The following SCAF4 variants were observed in gnomAD, a reference collection of about 807,000 sequenced individuals.
SCAF4 encodes the protein SR-related CTD associated factor 4.
Under a neutral mutation model 129.8 loss-of-function variants are expected in SCAF4, and 25 were observed. The ratio of observed to expected loss-of-function variants is 0.19; its 90% confidence interval spans 0.14 to 0.27. The LOEUF is 0.27. SCAF4 is among the 10% of genes least tolerant of loss of function. The pLI, the probability that SCAF4 is intolerant of heterozygous loss-of-function variation, is 1.00. For missense variants in SCAF4, 1,246 were observed against 1,457.1 expected (o/e 0.86, Z 2.36); for synonymous variants, 551 against 497.7 (o/e 1.11, Z -1.43).
chr21:31,731,608 C>T (rs2051361206), intron 1 of SCAF4, 55 bp downstream of exon 1: 1 of 1,570,126 alleles, frequency 6.4e-7, no homozygotes, highest in Non-Finnish European at 8.6e-7. Context: ...GCGGGAGAAA[C>T]GAGCCCCGGC....
intron 1 of SCAF4, among the ~76,000 whole-genome samples, chr21:31,725,189 A>G (rs1050494092): frequency 3.3e-5 from 5 of 152,340 alleles, no homozygotes; most frequent in Admixed American, 6.5e-5. Flanking sequence ...TACAGTAAAG[A>G]ACTTTGAACC....
At chr21:31,686,215 A>T in intron 16 of SCAF4, among the ~76,000 whole-genome samples, 1 of 133,574 alleles carries the variant, frequency 7.5e-6, no homozygotes, top group African/African-American at 3.4e-5. Context: ...AAAAAAAAAA[A>T]AGAAAAAAAA....
chr21:31,699,814 A>G (rs2050478475), intron 7 of SCAF4, among the ~76,000 whole-genome samples: 3 of 152,228 alleles, frequency 2.0e-5, no homozygotes, highest in Admixed American at 2.0e-4. Flanking sequence ...AATAAAACAG[A>G]CAAGAGTGGA....
chr21:31,686,419 C>T (rs1297135714), intron 16 of SCAF4, among the ~76,000 whole-genome samples: 2 of 152,042 alleles, frequency 1.3e-5, no homozygotes, highest in Non-Finnish European at 2.9e-5. Flanking sequence ...ATCACAGGTC[C>T]TGGAGCCAAA....
chr21:31,725,204 G>T (rs1320939310), intron 1 of SCAF4, among the ~76,000 whole-genome samples: 2 of 152,044 alleles, frequency 1.3e-5, no homozygotes, highest in Non-Finnish European at 1.5e-5. Context: ...TGAACCCTCT[G>T]TCTACATGTC....
chr21:31,688,412 A>G lies in SCAF4; in HGVS notation c.1938T>C (p.Gly646=), dbSNP rs747166156. The change falls in exon 16 of 20, where the codon GGT becomes GGC. Residue 646 remains glycine, a synonymous_variant. Transcript: ENST00000286835. The part of the protein sequence containing the change: ...KPENEVAQNG[G]AETSHTEPVS... ...CTGGTTCTGTGTGTGAGGTTTCAGC[A>G]CCTCCATTTTGAGCAACTTCATTTT... 6.2e-7 allele frequency: 1 copy of G among 1,613,950 alleles called. No homozygotes were observed. The highest frequency in any genetic ancestry group is 8.5e-7 in the Non-Finnish European group (1 of 1,179,962).
chr21:31,707,291 T>C (rs866371167), intron 1 of SCAF4, among the ~76,000 whole-genome samples: 2 of 152,252 alleles, frequency 1.3e-5, no homozygotes, highest in Admixed American at 6.5e-5. Flanking sequence ...AGGTGGAGGT[T>C]GCAGTGAGCC....
chr21:31,692,953 A>T (rs1447884779), intron 12 of SCAF4, among the ~76,000 whole-genome samples: 1 of 152,206 alleles, frequency 6.6e-6, no homozygotes, highest in African/African-American at 2.4e-5. Flanking sequence ...TTAAAATCTT[A>T]GTCATCTTAA....
intron 19 of SCAF4, among the ~76,000 whole-genome samples, chr21:31,677,971 C>G (rs2049900976): frequency 6.6e-6 from 1 of 151,660 alleles, no homozygotes; most frequent in South Asian, 2.1e-4. Flanking sequence ...GGAACTATGT[C>G]TACCTTAGTC....
At position 31,690,876 on chromosome 21, in the gene SCAF4, A is replaced by C; in HGVS notation, c.1806T>G (p.Ile602Met). Residue 602 changes from isoleucine (I) to methionine (M), a missense_variant, in exon 15 of 20, where the codon ATT becomes ATG. Ile to Met is a conservative substitution (Grantham distance 10). Coordinates refer to ENST00000286835, the MANE Select transcript of SCAF4 (RefSeq NM_020706.2). ...YWDVELGVTY[I>M]PWDKVKPEEL... ...CCTCAGGCTTGACTTTGTCCCATGG[A>C]ATATAAGTAACACCAAGTTCTACAT... 5.6e-6 allele frequency: 9 copies of C among 1,613,860 alleles called. No individual in the cohort carries two copies. The highest frequency in any genetic ancestry group is 7.6e-6 in the Non-Finnish European group (9 of 1,179,766).
intron 1 of SCAF4, among the ~76,000 whole-genome samples, chr21:31,723,152 CAG>C (rs2051112312): frequency 6.6e-6 from 1 of 152,150 alleles, no homozygotes; most frequent in East Asian, 1.9e-4. Context: ...TAGGTGAAAA[CAG>C]ATGAATAAAT....
chr21:31,696,865 A>T, intron 7 of SCAF4, 115 bp from the exon 8 acceptor site: 1 of 894,382 alleles, frequency 1.1e-6, no homozygotes, highest in Non-Finnish European at 1.7e-6. Context: ...TGTCAAGCAC[A>T]ATCTTATTTT....
At chr21:31,683,023 T>G (rs2050031607) in intron 19 of SCAF4, among the ~76,000 whole-genome samples, 1 of 152,250 alleles carries the variant, frequency 6.6e-6, no homozygotes, top group African/African-American at 2.4e-5. Context: ...ATATTGCATT[T>G]TAGTTCAAAG....
At chr21:31,717,065 A>G (rs993211317) in intron 1 of SCAF4, among the ~76,000 whole-genome samples, 2 of 152,222 alleles carry the variant, frequency 1.3e-5, no homozygotes, top group African/African-American at 4.8e-5. Context: ...ATACAAGGAG[A>G]TAAAATTCTT....
intron 19 of SCAF4, among the ~76,000 whole-genome samples, chr21:31,673,206 C>A (rs891253280): frequency 2.0e-5 from 3 of 152,120 alleles, no homozygotes; most frequent in African/African-American, 7.2e-5. Flanking sequence ...GTTCAACAAC[C>A]TGTCATTTTC....
At chr21:31,688,278 A>C (rs757291335) in intron 16 of SCAF4, 29 bp downstream of exon 16, 3 of 1,598,298 alleles carry the variant, frequency 1.9e-6, no homozygotes, top group South Asian at 2.3e-5. Context: ...CAGGCACTTA[A>C]AGTTTAAGTC....
rs753876884 is a variant in SCAF4 at position 31,677,549 on chromosome 21, TCA to T, written c.2489-5197_2489-5196del. On this transcript the variant is annotated intron_variant, in intron 19 of 19. Transcript: ENST00000286835. ...CATCAATCCAATGAAAGCACTTTTCTCACAGTCACCAGGAGCCTTCATTTTGC... is the reference window on the plus strand; with the variant it reads ...CATCAATCCAATGAAAGCACTTTTCTCAGTCACCAGGAGCCTTCATTTTGC... 1.1e-4 allele frequency among the ~76,000 whole-genome samples: 17 copies of T among 152,282 alleles called. No individual in the cohort carries two copies. In the East Asian group the frequency reaches 1.5e-3, roughly 14 times the overall value.
chr21:31,695,237 C>T (rs920198374), intron 9 of SCAF4, among the ~76,000 whole-genome samples: 16 of 152,198 alleles, frequency 1.1e-4, no homozygotes, highest in African/African-American at 3.6e-4. Context: ...TAAAGAAATA[C>T]CTTCATTTAC....
Position 31,676,155 on chromosome 21 carries a change from G to A in SCAF4, c.2489-3801C>T, listed in dbSNP as rs371044003. Among the ~76,000 whole-genome samples, 5 of 152,254 alleles carry A rather than the reference G, an allele frequency of 3.3e-5. No individual in the cohort carries two copies. In the South Asian group the frequency reaches 1.0e-3, roughly 32 times the overall value. On this transcript the variant is annotated intron_variant, in intron 19 of 19. Transcript: ENST00000286835. ...TTTCAGTGAGATCTTTACAGAAAAA[G>A]AGGAACGACTCAGTTCCTCTACCTG...
Sources: gnomAD v4.1 joint callset for allele counts (sites outside exome capture counted in the v4.1 genomes callset) on GRCh38, gnomAD v4.1.1 for gene constraint, MANE v1.5 for transcripts, NCBI Gene and HGNC (gene_info 2026-07-23, HGNC 2026-07-21) for gene names.